The following CHAT variants were observed in gnomAD, a reference collection of about 807,000 sequenced individuals.
CHAT encodes acetyl CoA:choline O-acetyltransferase.
CHAT carries 61 observed loss-of-function variants against 76.9 expected under a neutral mutation model. The observed-to-expected ratio is 0.79, with a 90% confidence interval of 0.65 to 0.98. The LOEUF (loss-of-function observed/expected upper bound fraction) is 0.98, where lower values mean the gene tolerates loss of function less well. CHAT is among the 50% of genes least tolerant of loss of function. The pLI, the probability that CHAT is intolerant of heterozygous loss-of-function variation, is 0.00. For synonymous variants in CHAT, 407 were observed against 397.4 expected, an observed-to-expected ratio of 1.02 and a Z score of -0.29; for missense variants, 946 against 986.9, an observed-to-expected ratio of 0.96 and a Z score of 0.56.
upstream of CHAT, chr10:49,610,886 T>A (rs1372035376): frequency 1.9e-6 from 3 of 1,613,108 alleles, no homozygotes; most frequent in Non-Finnish European, 2.5e-6. Context: ...GACAACATGC[T>A]GTACATGGTC....
chr10:49,616,004 T>A (rs1477323173), intron 1 of CHAT: 2 of 1,608,628 alleles, frequency 1.2e-6, no homozygotes, highest in East Asian at 4.5e-5. Flanking sequence ...CATGCATTCC[T>A]TTCCCTCCAC....
chr10:49,623,326 TCA>T (rs1341308873), intron 5 of CHAT, among the ~76,000 whole-genome samples: 1 of 152,122 alleles, frequency 6.6e-6, no homozygotes, highest in East Asian at 1.9e-4. Context: ...GTGTGCACAC[TCA>T]CACAGACACG....
At chr10:49,660,846 T>C (rs1209441840) in intron 13 of CHAT, among the ~76,000 whole-genome samples, 1 of 152,094 alleles carries the variant, frequency 6.6e-6, no homozygotes, top group Non-Finnish European at 1.5e-5. Context: ...TGGTTGGACA[T>C]GGAGGGTAAG....
chr10:49,612,871 A>C (rs777130879), upstream of CHAT, among the ~76,000 whole-genome samples: 5 of 152,252 alleles, frequency 3.3e-5, no homozygotes, highest in South Asian at 6.2e-4. Flanking sequence ...AAAAGGGGAT[A>C]GGAAGGAAGC....
chr10:49,661,449 TG>T (rs753028269), intron 13 of CHAT: 2 of 152,250 alleles, frequency 1.3e-5, no homozygotes, highest in Non-Finnish European at 2.9e-5. Flanking sequence ...GGTTGTGTAA[TG>T]TTTGTCTTTT....
Position 49,649,638 on chromosome 10 carries a change from T to A in CHAT, c.1511+2T>A. 1 of 1,613,668 alleles carries A rather than the reference T, an allele frequency of 6.2e-7. No individual in the cohort carries two copies. The highest frequency in any genetic ancestry group is 8.5e-7 in the Non-Finnish European group (1 of 1,180,004). ...CTCCTCGGCAGAAAAACTTCAACGG[T>A]AAGGATAACCGAAGTCTCCTTTGAG... is the stretch of plus-strand genomic sequence containing the variant. On this transcript the variant is annotated splice_donor_variant, in intron 10 of 14. Coordinates refer to ENST00000337653, the MANE Select transcript of CHAT (RefSeq NM_020549.5). LOFTEE classifies it high-confidence loss of function.
chr10:49,619,884 C>A lies in CHAT; in HGVS notation c.547C>A (p.Leu183Ile), dbSNP rs746030420. ...GGLGETLQQK[L>I]LERQEKTANW... ...CCTCGGCGAGACCCTGCAGCAGAAA[C>A]TCCTGGAGCGGCAGGAGAAGACAGC... The change falls in exon 3 of 15, where the codon CTC becomes ATC. Residue 183 changes from leucine to isoleucine, a missense_variant. Around this residue, in one of 3 missense-constraint regions of CHAT, gnomAD observed 548 missense variants for 516.2 expected, o/e 1.06. Transcript: ENST00000337653. 9.3e-6 allele frequency: 15 copies of A among 1,613,036 alleles called. 1 individual carries two copies. The East Asian group carries it at 1.1e-4, about 12-fold the overall frequency.
At chr10:49,616,149 C>G in intron 1 of CHAT, 1 of 1,497,798 alleles carries the variant, frequency 6.7e-7, no homozygotes, top group Non-Finnish European at 9.3e-7. Context: ...TGGCAAAGCA[C>G]TTATCTATTG....
chr10:49,620,014 G>A (rs1452101216), intron 3 of CHAT, 98 bp downstream of exon 3: 4 of 1,272,216 alleles, frequency 3.1e-6, no homozygotes, highest in South Asian at 1.4e-5. Flanking sequence ...CAAAGACAGG[G>A]CAGAAGGAGA....
At chr10:49,654,979 CT>C (rs1839986435) in intron 11 of CHAT, 115 bp from the exon 12 acceptor site, 1 of 1,090,044 alleles carries the variant, frequency 9.2e-7, no homozygotes, top group South Asian at 1.3e-5. Context: ...ATGAAATATT[CT>C]GCCAAGTCAA....
intron 10 of CHAT, among the ~76,000 whole-genome samples, chr10:49,651,310 G>C (rs1294098589): frequency 6.6e-6 from 1 of 151,756 alleles, no homozygotes; most frequent in Non-Finnish European, 1.5e-5. Context: ...TTCAAGGAGA[G>C]GCAGGCAGGG....
chr10:49,638,150 T>G (rs556539122), intron 7 of CHAT, among the ~76,000 whole-genome samples: 1 of 144,428 alleles, frequency 6.9e-6, no homozygotes, highest in Non-Finnish European at 1.6e-5. Context: ...GGTTGCCATG[T>G]CTTCTTGGAG....
At position 49,628,126 on chromosome 10, in the gene CHAT, G is replaced by C. The variant is rs371950254; in HGVS notation, c.1111+341G>C. Among the ~76,000 whole-genome samples, 299 of 152,172 alleles carry C rather than the reference G, an allele frequency of 2.0e-3. 2 individuals carry two copies. In the South Asian group the frequency reaches 0.022, roughly 11 times the overall value. Reference sequence around the variant, plus strand: ...TGGTGGGTGGCGCTCACTGATAGTGGCTGGGGGAGTCGCTGAATGGGGGTG... The same window carrying C: ...TGGTGGGTGGCGCTCACTGATAGTGCCTGGGGGAGTCGCTGAATGGGGGTG... On this transcript the variant is annotated intron_variant, in intron 7 of 14. Transcript: ENST00000337653.
At chr10:49,642,420 C>G (rs1379216359) in intron 7 of CHAT, among the ~76,000 whole-genome samples, 1 of 152,372 alleles carries the variant, frequency 6.6e-6, no homozygotes, top group East Asian at 1.9e-4. Context: ...GAGCCAGGAC[C>G]TGGTTCCTGT....
chr10:49,629,580 G>T (rs931137080), intron 7 of CHAT, among the ~76,000 whole-genome samples: 1 of 152,232 alleles, frequency 6.6e-6, no homozygotes, highest in Non-Finnish European at 1.5e-5. Flanking sequence ...AGCAGGCCAG[G>T]CCCAAGACAC....
chr10:49,639,564 CACACAT>C (rs746967097), intron 7 of CHAT, among the ~76,000 whole-genome samples: 4,128 of 120,766 alleles, frequency 0.034, 52 homozygotes, highest in Non-Finnish European at 0.037. Context: ...CACACACACA[CACACAT>C]ATGGGTGTGT....
chr10:49,661,093 C>G (rs1590626815), intron 13 of CHAT, among the ~76,000 whole-genome samples: 1 of 152,196 alleles, frequency 6.6e-6, no homozygotes, highest in African/African-American at 2.4e-5. Flanking sequence ...CTGTCTTGTT[C>G]TCTGTTGTGG....
intron 11 of CHAT, 75 bp from the exon 12 acceptor site, chr10:49,655,020 G>A (rs990434852): frequency 4.6e-6 from 7 of 1,524,794 alleles, no homozygotes; most frequent in Middle Eastern, 1.7e-4. Context: ...AGCTTGCTGA[G>A]GCAATTTTTC....
At chr10:49,649,886 T>A (rs892194674) in intron 10 of CHAT, among the ~76,000 whole-genome samples, 44 of 146,430 alleles carry the variant, frequency 3.0e-4, no homozygotes, top group Non-Finnish European at 4.9e-4. Context: ...TTTTTTTTTT[T>A]TTTTTTTTCA....
Sources: gnomAD v4.1 joint callset for allele counts (sites outside exome capture counted in the v4.1 genomes callset) on GRCh38, gnomAD v4.1.1 for gene constraint, gnomAD v4.1.1 regional missense constraint, MANE v1.5 for transcripts, NCBI Gene and HGNC (gene_info 2026-07-23, HGNC 2026-07-21) for gene names.